DDX60L: variants seen among roughly 807,000 people sequenced by gnomAD.
DDX60L encodes DExD/H-box 60 like.
Under a neutral mutation model 211.6 loss-of-function variants are expected in DDX60L, and 191 were observed. The ratio of observed to expected loss-of-function variants is 0.90; its 90% CI spans 0.80 to 1.02. DDX60L has a LOEUF of 1.02. DDX60L is among the 50% of genes least tolerant of loss of function. DDX60L has a pLI of 0.00. For missense variants in DDX60L, 2,007 were observed against 1,984.1 expected, an observed-to-expected ratio of 1.01 and a Z score of -0.22; for synonymous variants, 706 against 694.1, an observed-to-expected ratio of 1.02 and a Z score of -0.27.
chr4:168,382,871 C>A (rs959800914), intron 30 of DDX60L, among the ~76,000 whole-genome samples: 4 of 152,054 alleles, frequency 2.6e-5, no homozygotes, highest in African/African-American at 4.8e-5. Flanking sequence ...ACAAAAAAAA[C>A]CTAAAACTAA....
At chr4:168,456,922 A>G (rs532475607) in intron 6 of DDX60L, among the ~76,000 whole-genome samples, 2 of 152,186 alleles carry the variant, frequency 1.3e-5, no homozygotes, top group Non-Finnish European at 2.9e-5. Context: ...CTAAAAATAT[A>G]TATACAGTCT....
At position 168,430,511 on chromosome 4, in the gene DDX60L, C is replaced by T; in HGVS notation, c.1644G>A (p.Glu548=). 1 of 1,606,372 alleles carries T rather than the reference C, an allele frequency of 6.2e-7. No homozygotes were observed. Among genetic ancestry groups the T allele is most frequent in the South Asian group, 1.1e-5 (1 of 88,850 alleles). Reference sequence around the variant, plus strand: ...TTTCACCACTGGCACCACTGGAATCCTCCTTTGGCCGAGTAGTTTGAGTCA... The same window carrying T: ...TTTCACCACTGGCACCACTGGAATCTTCCTTTGGCCGAGTAGTTTGAGTCA... ...VIVTQTTRPK[E]DSSGASGEIL... is the part of the protein sequence containing the mutation. Residue 548 remains glutamate (E), a synonymous_variant, in exon 13 of 38, where the codon GAG becomes GAA. Coordinates refer to ENST00000682922, the MANE Select transcript of DDX60L (RefSeq NM_001012967.3).
rs1475790570 is a variant in DDX60L at position 168,421,871 on chromosome 4, T to C, written c.2283A>G (p.Ala761=). ...CTGAGGACGTTGGGGCAACAATCAC[T>C]GCTGACTCATTCTTATCTACCACAT... is the stretch of plus-strand genomic sequence containing the variant. ...LLDVVDKNES[A]VIVAPTSSGK... Residue 761 remains alanine, a synonymous_variant, in exon 17 of 38, where the codon GCA becomes GCG. Transcript: ENST00000682922. 16 of 1,614,194 alleles carry C rather than the reference T, an allele frequency of 9.9e-6. No homozygotes were observed. The highest frequency in any genetic ancestry group is 1.4e-5 in the Non-Finnish European group (16 of 1,180,034).
At chr4:168,450,994 CTCA>C (rs1561101896) in intron 8 of DDX60L, among the ~76,000 whole-genome samples, 1 of 152,070 alleles carries the variant, frequency 6.6e-6, no homozygotes, top group Non-Finnish European at 1.5e-5. Context: ...TGTCAACATC[CTCA>C]TATTATCTGC....
At chr4:168,397,240 G>T (rs945812475) in intron 26 of DDX60L, among the ~76,000 whole-genome samples, 1 of 152,152 alleles carries the variant, frequency 6.6e-6, no homozygotes, top group Non-Finnish European at 1.5e-5. Context: ...AAATGTTGAG[G>T]GAAGGTTTAA....
intron 1 of DDX60L, among the ~76,000 whole-genome samples, chr4:168,478,184 T>C (rs1200232561): frequency 4.9e-5 from 6 of 123,434 alleles, no homozygotes; most frequent in Admixed American, 1.9e-4. Context: ...TAAAAAGTGA[T>C]AGGACAAAAA....
At position 168,396,113 on chromosome 4, in the gene DDX60L, T is replaced by A; in HGVS notation, c.3503A>T (p.Asn1168Ile). The stretch of plus-strand genomic sequence containing the variant: ...TTCCAGTTTTTCAGCCTTCTTTGGG[T>A]TTTTTTTAGTGCTACTATTTAAAAA... ...RKTQKRITKK[N>I]PKKAEKLERK... The change falls in exon 27 of 38, where the codon AAC becomes ATC. Residue 1168 changes from asparagine to isoleucine, a missense_variant. Asn to Ile is a moderately radical substitution (Grantham distance 149). Transcript: ENST00000682922. The A allele has an allele frequency of 1.3e-6, 2 of 1,488,252 alleles. No homozygotes were observed. Among genetic ancestry groups the A allele is most frequent in the Non-Finnish European group, 1.8e-6 (2 of 1,108,062 alleles). 92.2% of individuals were successfully genotyped at this position (1,488,252 alleles called of 1,614,324 possible).
intron 8 of DDX60L, among the ~76,000 whole-genome samples, chr4:168,451,969 T>G (rs528759095): frequency 2.6e-5 from 4 of 152,334 alleles, no homozygotes; most frequent in Admixed American, 2.0e-4. Context: ...CTTTCCAGAC[T>G]GGGTTGTATC....
intron 22 of DDX60L, among the ~76,000 whole-genome samples, chr4:168,413,799 G>A (rs542819589): frequency 1.9e-4 from 29 of 152,192 alleles, no homozygotes; most frequent in African/African-American, 7.0e-4. Flanking sequence ...AAAACCCCTA[G>A]AGTGAGGAGA....
At chr4:168,401,115 A>T in intron 25 of DDX60L, 137 bp from the exon 26 acceptor site, 1 of 754,290 alleles carries the variant, frequency 1.3e-6, no homozygotes, top group Non-Finnish European at 2.1e-6. Flanking sequence ...TTTAAACTGA[A>T]AGACTGGTTT....
At chr4:168,398,810 C>T (rs12512713) in intron 26 of DDX60L, among the ~76,000 whole-genome samples, 134,055 of 151,688 alleles carry the variant, frequency 0.88, 61,537 homozygotes, top group East Asian at 1. Flanking sequence ...TTACCAGCTA[C>T]GGAGGGGAGC....
intron 36 of DDX60L, among the ~76,000 whole-genome samples, chr4:168,363,491 A>G (rs904886556): frequency 1.3e-5 from 2 of 152,272 alleles, no homozygotes; most frequent in African/African-American, 4.8e-5. Flanking sequence ...TCAAAAAACA[A>G]CAACACCTAC....
intron 3 of DDX60L, 133 bp from the exon 4 acceptor site, chr4:168,472,069 C>A: frequency 3.0e-6 from 2 of 659,504 alleles, no homozygotes; most frequent in Admixed American, 3.2e-5. Flanking sequence ...TTTTCAAATA[C>A]CTCATTTAAG....
At chr4:168,468,170 T>TAATAAATAAATAAAGAAATA in intron 4 of DDX60L, among the ~76,000 whole-genome samples, 1 of 150,220 alleles carries the variant, frequency 6.7e-6, no homozygotes, top group South Asian at 2.1e-4. Context: ...CCATCTCAAA[T>TAATAAATAAATAAAGAAATA]AATAAATAAA....
In DDX60L at chr4:168,384,715, C is replaced by T; in HGVS notation, c.4013G>A (p.Ser1338Asn). ...GAACTGTCCTCTCAGCTCAGGAACA[C>T]TGGATGCAAGGAGTCTTTTTATTTT... ...LPKIKRLLAS[S>N]VPELRGQFPL... The change falls in exon 30 of 38, where the codon AGT becomes AAT. Residue 1338 changes from serine to asparagine, a missense_variant. Physicochemically the swap from Ser to Asn is conservative, Grantham distance 46 (BLOSUM62 1). Transcript: ENST00000682922. 6.2e-7 allele frequency: 1 copy of T among 1,613,878 alleles called. No homozygotes were observed. Among genetic ancestry groups the T allele is most frequent in the Non-Finnish European group, 8.5e-7 (1 of 1,179,944 alleles).
intron 28 of DDX60L, among the ~76,000 whole-genome samples, chr4:168,392,862 T>C (rs1050985280): frequency 4.9e-5 from 7 of 142,944 alleles, no homozygotes; most frequent in South Asian, 2.2e-4. Context: ...AAAAAAAAAG[T>C]GTTCCGTGTA....
At chr4:168,431,207 C>T (rs1318217403) in intron 12 of DDX60L, among the ~76,000 whole-genome samples, 1 of 152,128 alleles carries the variant, frequency 6.6e-6, no homozygotes, top group Non-Finnish European at 1.5e-5. Flanking sequence ...AATTACCTTA[C>T]ACCATGCAAA....
chr4:168,402,095 C>A (rs1253542564), intron 25 of DDX60L, among the ~76,000 whole-genome samples: 1 of 150,348 alleles, frequency 6.7e-6, no homozygotes, highest in African/African-American at 2.4e-5. Context: ...AAGATTAGAA[C>A]CCGGGCAACT....
At chr4:168,472,871 A>T (rs902414027) in intron 1 of DDX60L, 62 bp from the exon 2 acceptor site, 8 of 649,012 alleles carry the variant, frequency 1.2e-5, no homozygotes, top group Non-Finnish European at 1.8e-5. Flanking sequence ...GACCCAAAAA[A>T]TATGGTTACA....
Sources: allele counts gnomAD v4.1 joint callset (sites outside exome capture counted in the v4.1 genomes callset), GRCh38; gene constraint gnomAD v4.1.1; transcripts MANE v1.5; gene names NCBI Gene and HGNC (gene_info 2026-07-23, HGNC 2026-07-21).